PPARG: variants seen among roughly 807,000 people sequenced by gnomAD.
The protein encoded by PPARG is peroxisome proliferator activated receptor gamma.
A neutral mutation model predicts 39.2 loss-of-function variants in PPARG; 17 were observed. The ratio of observed to expected loss-of-function variants is 0.43; its 90% CI spans 0.30 to 0.65. PPARG has a LOEUF of 0.65. Among genes scored for constraint, PPARG ranks in the 30% least tolerant of loss-of-function variants. The probability of loss-of-function intolerance (pLI) is 0.13; values close to 1 mark genes in which losing one functional copy is unlikely to be tolerated. For missense variants in PPARG, 406 were observed against 585.9 expected, an observed-to-expected ratio of 0.69 and a Z score of 3.17; for synonymous variants, 223 against 215.7, an observed-to-expected ratio of 1.03 and a Z score of -0.30.
chr3:12,354,190 T>C (rs2048580890), intron 2 of PPARG, among the ~76,000 whole-genome samples: 1 of 152,166 alleles, frequency 6.6e-6, no homozygotes, highest in Non-Finnish European at 1.5e-5. Context: ...TTTTCACCTT[T>C]CCAGAAGTTT....
chr3:12,300,701 A>T (rs1319373195), intron 1 of PPARG, among the ~76,000 whole-genome samples: 1 of 152,058 alleles, frequency 6.6e-6, no homozygotes, highest in East Asian at 1.9e-4. Context: ...ATGGAATCTG[A>T]TATATTCCAT....
chr3:12,310,791 T>TAAAAAAAAAAA (rs761238501), intron 1 of PPARG, among the ~76,000 whole-genome samples: 2 of 50,332 alleles, frequency 4.0e-5, no homozygotes, highest in Non-Finnish European at 6.7e-5. Flanking sequence ...GCCTTAAATG[T>TAAAAAAAAAAA]AAAAAAAAAA....
rs757694685 is a variant in PPARG, at chr3:12,392,596, T to C, written c.391-18T>C. ...GTCATAAAGACTTAAAATTTGCTTC[T>C]TTTTTATCCCTTTGCAGGGTTTCTT... On this transcript the variant is annotated intron_variant, in intron 4 of 7. Coordinates refer to ENST00000651735, the MANE Select transcript of PPARG (RefSeq NM_138711.6). 1 of 1,613,526 alleles carries C rather than the reference T, an allele frequency of 6.2e-7. No individual in the cohort carries two copies. The highest frequency in any genetic ancestry group is 8.5e-7 in the Non-Finnish European group (1 of 1,179,684).
At chr3:12,427,875 A>T (rs2051507968) in intron 7 of PPARG, among the ~76,000 whole-genome samples, 1 of 152,218 alleles carries the variant, frequency 6.6e-6, no homozygotes, top group East Asian at 1.9e-4. Context: ...TCTGTGGATC[A>T]ATTTACAGCT....
At chr3:12,294,381 T>G (rs1211398309) in intron 1 of PPARG, among the ~76,000 whole-genome samples, 1 of 152,250 alleles carries the variant, frequency 6.6e-6, no homozygotes, top group Non-Finnish European at 1.5e-5. Flanking sequence ...ATTATCTTAA[T>G]GTAATTAAAT....
chr3:12,377,056 G>A (rs560390904), intron 2 of PPARG, among the ~76,000 whole-genome samples: 6 of 152,158 alleles, frequency 3.9e-5, no homozygotes, highest in Non-Finnish European at 8.8e-5. Context: ...GGTAAACAGA[G>A]TCCAGGTACC....
At chr3:12,335,700 T>C (rs1013910107) in intron 2 of PPARG, among the ~76,000 whole-genome samples, 2 of 152,124 alleles carry the variant, frequency 1.3e-5, no homozygotes, top group South Asian at 2.1e-4. Flanking sequence ...GTGTGAACCT[T>C]CAGTGGAAAA....
intron 2 of PPARG, among the ~76,000 whole-genome samples, chr3:12,339,283 T>C (rs561059967): frequency 6.6e-6 from 1 of 152,302 alleles, no homozygotes; most frequent in South Asian, 2.1e-4. Context: ...AAAAGTATAA[T>C]AGATTAACAG....
At chr3:12,411,194 A>T (rs976686592) in intron 6 of PPARG, among the ~76,000 whole-genome samples, 5 of 152,116 alleles carry the variant, frequency 3.3e-5, no homozygotes, top group Non-Finnish European at 7.3e-5. Context: ...AAAGAAAAGC[A>T]CTTGGATTTT....
At chr3:12,410,501 C>G (rs2050844834) in intron 6 of PPARG, among the ~76,000 whole-genome samples, 1 of 152,204 alleles carries the variant, frequency 6.6e-6, no homozygotes, top group South Asian at 2.1e-4. Flanking sequence ...TCACCCCTAT[C>G]TAAGAGATGG....
chr3:12,359,695 GAC>G (rs1314838765), intron 2 of PPARG, among the ~76,000 whole-genome samples: 2 of 98,474 alleles, frequency 2.0e-5, no homozygotes, highest in Non-Finnish European at 4.2e-5. Context: ...TTTTTTTTGA[GAC>G]AGAGTCTCAC....
intron 2 of PPARG, among the ~76,000 whole-genome samples, chr3:12,315,203 T>G (rs927523141): frequency 2.0e-5 from 3 of 152,200 alleles, no homozygotes; most frequent in Non-Finnish European, 2.9e-5. Flanking sequence ...TGAGAACATG[T>G]GGTATCTGTC....
intron 1 of PPARG, among the ~76,000 whole-genome samples, chr3:12,309,798 G>C (rs974646065): frequency 6.6e-6 from 1 of 152,020 alleles, no homozygotes; most frequent in Non-Finnish European, 1.5e-5. Context: ...TATTTACTTA[G>C]GTTCTGGTAA....
chr3:12,311,110 TTTTTTA>T (rs1293876182), intron 1 of PPARG, among the ~76,000 whole-genome samples: 2 of 152,192 alleles, frequency 1.3e-5, no homozygotes, highest in Non-Finnish European at 2.9e-5. Flanking sequence ...TTAAAATTTT[TTTTTTA>T]TTTTTGAGAC....
chr3:12,393,068 A>G (rs1487311718), intron 5 of PPARG, among the ~76,000 whole-genome samples: 1 of 152,210 alleles, frequency 6.6e-6, no homozygotes, highest in Non-Finnish European at 1.5e-5. Flanking sequence ...CTCATGCATT[A>G]AAAACAGAAT....
At chr3:12,360,596 A>T (rs1421056304) in intron 2 of PPARG, among the ~76,000 whole-genome samples, 1 of 151,116 alleles carries the variant, frequency 6.6e-6, no homozygotes, top group Non-Finnish European at 1.5e-5. Context: ...AAAACAGAAC[A>T]ATACCAGCAC....
chr3:12,392,987 C>T (rs563682023), intron 5 of PPARG, among the ~76,000 whole-genome samples: 3 of 152,236 alleles, frequency 2.0e-5, no homozygotes, highest in African/African-American at 7.2e-5. Flanking sequence ...CTTGAAAAAT[C>T]TGGGGGATTA....
At chr3:12,316,205 C>T (rs1297765748) in intron 2 of PPARG, among the ~76,000 whole-genome samples, 1 of 152,192 alleles carries the variant, frequency 6.6e-6, no homozygotes, top group Non-Finnish European at 1.5e-5. Context: ...ACTTTGGCGT[C>T]TGAAAATGAG....
intron 1 of PPARG, among the ~76,000 whole-genome samples, chr3:12,293,406 CAT>C (rs1019421506): frequency 3.9e-5 from 6 of 152,024 alleles, no homozygotes; most frequent in African/African-American, 1.2e-4. Context: ...GTGGATATGA[CAT>C]ATTGAGTCAG....
Sources: allele counts gnomAD v4.1 joint callset (sites outside exome capture counted in the v4.1 genomes callset), GRCh38; gene constraint gnomAD v4.1.1; transcripts MANE v1.5; gene names NCBI Gene and HGNC (gene_info 2026-07-23, HGNC 2026-07-21).